The following SNTG2 variants were observed in gnomAD, a reference collection of about 807,000 sequenced individuals.
SNTG2 encodes gamma-2-syntrophin.
Under a neutral mutation model 70.9 loss-of-function variants are expected in SNTG2, and 74 were observed. The observed-to-expected ratio is 1.04, with a 90% CI of 0.86 to 1.27. The LOEUF (loss-of-function observed/expected upper bound fraction) is 1.27, where lower values mean the gene tolerates loss of function less well. Among genes scored for constraint, SNTG2 ranks in the 50% most tolerant of loss-of-function variants. The pLI is 0.00. For missense variants in SNTG2, 717 were observed against 690.7 expected (o/e 1.04, Z -0.43); for synonymous variants, 278 against 273.8 (o/e 1.02, Z -0.15).
chr2:1,024,135 G>A (rs1660347608), intron 1 of SNTG2, among the ~76,000 whole-genome samples: 2 of 152,138 alleles, frequency 1.3e-5, no homozygotes, highest in South Asian at 2.1e-4. Context: ...GGGAAGCTTC[G>A]TGGCACCACA....
At position 1,328,539 on chromosome 2, in the gene SNTG2, C is replaced by T. The variant is rs369210678; in HGVS notation, c.1488+12164C>T. ...GTTAGAAGATTTTTTTAGGTCCTCT[C>T]TTGTGGTATTGAACGGGACAGGAGA... On this transcript the variant is annotated intron_variant, in intron 16 of 16. Transcript: ENST00000308624. Among the ~76,000 whole-genome samples the T allele has an allele frequency of 1.1e-4, 16 of 152,170 alleles. No homozygotes were observed. In the East Asian group the frequency reaches 3.1e-3, roughly 29 times the overall value.
Position 1,291,943 on chromosome 2 carries a change from T to A in SNTG2, c.1285-16551T>A, listed in dbSNP as rs181199631. On this transcript the variant is annotated intron_variant, in intron 14 of 16. Transcript: ENST00000308624. ...TTTGAGTGGTATGGACATCCGAACATCATTAAGTCTAACAATCCATGAGCA... is the reference window on the plus strand; with the variant it reads ...TTTGAGTGGTATGGACATCCGAACAACATTAAGTCTAACAATCCATGAGCA... Among the ~76,000 whole-genome samples the A allele has an allele frequency of 4.5e-3, 685 of 152,298 alleles. 7 individuals carry two copies. Among genetic ancestry groups the A allele is most frequent in the African/African-American group, 0.015 (643 of 41,576 alleles).
intron 1 of SNTG2, among the ~76,000 whole-genome samples, chr2:1,064,964 A>G (rs1388010187): frequency 6.6e-6 from 1 of 152,246 alleles, no homozygotes; most frequent in Non-Finnish European, 1.5e-5. Flanking sequence ...CTCTGTGTCA[A>G]TACTAAGCAT....
intron 16 of SNTG2, among the ~76,000 whole-genome samples, chr2:1,326,899 T>C (rs913658434): frequency 5.9e-5 from 9 of 152,132 alleles, no homozygotes; most frequent in Admixed American, 6.5e-5. Flanking sequence ...TCTTCTTTTA[T>C]TCTTTCCATT....
In SNTG2 at chr2:1,353,630, A is replaced by G. The variant is rs1432517205; in HGVS notation, c.1489-13713A>G. 1.3e-5 allele frequency: 2 copies of G among 152,190 alleles called. No individual in the cohort carries two copies. The highest frequency in any genetic ancestry group is 2.9e-5 in the Non-Finnish European group (2 of 68,036). 9.4% of individuals were successfully genotyped at this position (152,190 alleles called of 1,614,324 possible). A position where few individuals can be genotyped will look rare whatever the true frequency, so the allele number is the denominator to read the frequency against. ...GCCTGAGTTCAGATTGCTGTGGCCC[A>G]GTGGAAACGGTTCTCTTCAATGCTG... On this transcript the variant is annotated intron_variant, in intron 16 of 16. Coordinates refer to ENST00000308624, the MANE Select transcript of SNTG2 (RefSeq NM_018968.4). The surrounding 1 kb of genome is among the most constrained non-coding windows in gnomAD (Gnocchi z 4.2).
At chr2:1,224,066 C>T (rs1042172239) in intron 9 of SNTG2, among the ~76,000 whole-genome samples, 19 of 152,180 alleles carry the variant, frequency 1.2e-4, no homozygotes, top group African/African-American at 4.1e-4. Flanking sequence ...TCTGTGTCTC[C>T]CTGTGGAGGA....
intron 1 of SNTG2, among the ~76,000 whole-genome samples, chr2:957,633 G>A (rs982652164): frequency 6.6e-6 from 1 of 152,062 alleles, no homozygotes; most frequent in African/African-American, 2.4e-5. Context: ...ACAGCACAGG[G>A]CAGCTACAAT....
intron 4 of SNTG2, among the ~76,000 whole-genome samples, chr2:1,131,792 C>T (rs1385397818): frequency 6.6e-6 from 1 of 151,976 alleles, no homozygotes; most frequent in Non-Finnish European, 1.5e-5. Flanking sequence ...GCTGGGACTA[C>T]AGGCGACGCC....
At position 1,284,807 on chromosome 2, in the gene SNTG2, T is replaced by C. The variant is rs1679700831; in HGVS notation, c.1284+17236T>C. Among the ~76,000 whole-genome samples the C allele has an allele frequency of 2.0e-5, 3 of 151,010 alleles. No individual in the cohort carries two copies. The South Asian group carries it at 6.2e-4, about 31-fold the overall frequency. On this transcript the variant is annotated intron_variant, in intron 14 of 16. Coordinates refer to ENST00000308624, the MANE Select transcript of SNTG2 (RefSeq NM_018968.4). Reference sequence around the variant, plus strand: ...TTTGTAATTAAAATATTCAGTTTTGTTTATTAATGACAAACATTTATTGCA... The same window carrying C: ...TTTGTAATTAAAATATTCAGTTTTGCTTATTAATGACAAACATTTATTGCA...
chr2:1,162,587 C>T (rs970389150), intron 6 of SNTG2, among the ~76,000 whole-genome samples: 3 of 152,138 alleles, frequency 2.0e-5, no homozygotes, highest in East Asian at 1.9e-4. Context: ...TCTCCCCTCC[C>T]ACACCGCACA....
At chr2:956,161 C>CT (rs1491257126) in intron 1 of SNTG2, among the ~76,000 whole-genome samples, 13 of 96,802 alleles carry the variant, frequency 1.3e-4, no homozygotes, top group South Asian at 3.9e-4. Context: ...CCTGCCCCTG[C>CT]CCTGCACCTA....
chr2:955,449 T>C (rs1399333409), intron 1 of SNTG2, among the ~76,000 whole-genome samples: 6 of 152,248 alleles, frequency 3.9e-5, no homozygotes, highest in African/African-American at 4.8e-5. Context: ...TTGTTTTTAT[T>C]TGGACCCCAG....
chr2:1,112,317 C>A (rs941057056), intron 4 of SNTG2, among the ~76,000 whole-genome samples: 1 of 151,596 alleles, frequency 6.6e-6, no homozygotes, highest in Non-Finnish European at 1.5e-5. Flanking sequence ...ATCCTGTGTA[C>A]TAAGTGAGGT....
At chr2:1,260,488 G>T (rs1397145935) in intron 13 of SNTG2, among the ~76,000 whole-genome samples, 1 of 152,142 alleles carries the variant, frequency 6.6e-6, no homozygotes, top group Admixed American at 6.5e-5. Context: ...TTTAAATTAA[G>T]ACTCCTAATT....
Position 1,221,444 on chromosome 2 carries a change from T to A in SNTG2, c.719+12214T>A, listed in dbSNP as rs11686824. Among the ~76,000 whole-genome samples the A allele has an allele frequency of 5.0e-4, 6 of 11,976 alleles. 2 individuals are homozygous for A. Among genetic ancestry groups the A allele is most frequent in the South Asian group, 6.7e-3 (2 of 300 alleles). 7.9% of individuals were successfully genotyped at this position (11,976 alleles called of 152,430 possible). ...TTGTCTCTGTCTCTCTCTGTCTCTG[T>A]CTCTGTCTCTCTCTGTCTCTGTCTC... is the stretch of plus-strand genomic sequence containing the variant. On this transcript the variant is annotated intron_variant, in intron 9 of 16. Coordinates refer to ENST00000308624, the MANE Select transcript of SNTG2 (RefSeq NM_018968.4).
chr2:1,028,178 ATCC>A (rs1660598136), intron 1 of SNTG2, among the ~76,000 whole-genome samples: 4 of 148,336 alleles, frequency 2.7e-5, no homozygotes, highest in African/African-American at 1.0e-4. Flanking sequence ...CACAATCACT[ATCC>A]AGCAAGTAAC....
At chr2:999,039 C>T (rs2147985839) in intron 1 of SNTG2, among the ~76,000 whole-genome samples, 1 of 152,156 alleles carries the variant, frequency 6.6e-6, no homozygotes, top group African/African-American at 2.4e-5. Flanking sequence ...TTATATCTTG[C>T]TACACTAAGC....
intron 16 of SNTG2, among the ~76,000 whole-genome samples, chr2:1,351,568 C>T (rs914939372): frequency 2.0e-5 from 3 of 152,104 alleles, no homozygotes; most frequent in African/African-American, 7.2e-5. Context: ...GGCACTTGAC[C>T]CAACAACTTC....
intron 16 of SNTG2, among the ~76,000 whole-genome samples, chr2:1,322,543 C>T (rs1372336217): frequency 6.6e-6 from 1 of 152,142 alleles, no homozygotes; most frequent in Admixed American, 6.5e-5. Flanking sequence ...AATATGGCCT[C>T]CTTAGATGGT....
Sources: gnomAD v4.1 joint callset for allele counts (sites outside exome capture counted in the v4.1 genomes callset) on GRCh38, gnomAD v4.1.1 for gene constraint, Gnocchi (gnomAD v3.1) non-coding constraint, MANE v1.5 for transcripts, NCBI Gene and HGNC (gene_info 2026-07-23, HGNC 2026-07-21) for gene names.